The following INPP4B variants were observed in gnomAD, a reference collection of about 807,000 sequenced individuals.
INPP4B encodes the protein inositol polyphosphate-4-phosphatase type II B.
A neutral mutation model predicts 122.5 loss-of-function variants in INPP4B; 55 were observed. That is an observed-to-expected ratio of 0.45 (90% CI 0.36 to 0.56). INPP4B has a LOEUF of 0.56. INPP4B is among the 20% of genes least tolerant of loss of function. The pLI, the probability that INPP4B is intolerant of heterozygous loss-of-function variation, is 0.00. For missense variants in INPP4B, 1,000 were observed against 1,097.7 expected, an observed-to-expected ratio of 0.91 and a Z score of 1.26; for synonymous variants, 403 against 388.7, an observed-to-expected ratio of 1.04 and a Z score of -0.43.
At chr4:142,736,477 G>A (rs184189448) in intron 1 of INPP4B, among the ~76,000 whole-genome samples, 30 of 151,946 alleles carry the variant, frequency 2.0e-4, no homozygotes, top group East Asian at 1.7e-3. Context: ...ATTTTGTTGT[G>A]CAGTGGTTTG....
At chr4:142,297,890 T>C (rs538640592) in intron 9 of INPP4B, among the ~76,000 whole-genome samples, 2 of 152,324 alleles carry the variant, frequency 1.3e-5, no homozygotes, top group South Asian at 4.1e-4. Context: ...ATATTTATAG[T>C]TTTTCTCTAA....
chr4:142,243,897 T>TTTATTA (rs5862580), intron 11 of INPP4B, among the ~76,000 whole-genome samples: 342 of 148,916 alleles, frequency 2.3e-3, no homozygotes, highest in Middle Eastern at 0.01. Context: ...TAGAACAAAC[T>TTTATTA]TTATTATTAT....
chr4:142,642,207 T>C (rs1214911424), intron 2 of INPP4B, among the ~76,000 whole-genome samples: 3 of 152,080 alleles, frequency 2.0e-5, no homozygotes, highest in Non-Finnish European at 2.9e-5. Context: ...TTTTCTCCCA[T>C]TCTGTAGGTT....
At chr4:142,741,724 T>C (rs1346570820) in intron 1 of INPP4B, among the ~76,000 whole-genome samples, 2 of 151,702 alleles carry the variant, frequency 1.3e-5, no homozygotes, top group Non-Finnish European at 2.9e-5. Flanking sequence ...AATCATTACA[T>C]AAAACAAAGA....
chr4:142,655,146 AAAC>A lies in INPP4B; in HGVS notation c.-191+70690_-191+70692del, dbSNP rs201120349. ...GTTTCAGTAGTTAACATTCTTCAAA[AAAC>A]AACAATAGAAAACCTTCCTAGATAT... is the stretch of plus-strand genomic sequence containing the variant. On this transcript the variant is annotated intron_variant, in intron 2 of 25. Coordinates refer to ENST00000262992, the MANE Select transcript of INPP4B (RefSeq NM_001101669.3). Among the ~76,000 whole-genome samples, 1,151 of 152,276 alleles carry A rather than the reference AAAC, an allele frequency of 7.6e-3. 9 individuals are homozygous for A. Among genetic ancestry groups the A allele is most frequent in the Non-Finnish European group, 0.011 (780 of 68,016 alleles).
At position 142,077,910 on chromosome 4, in the gene INPP4B, T is replaced by C. The variant is rs1771689225; in HGVS notation, c.2642+4121A>G. 2.0e-5 allele frequency among the ~76,000 whole-genome samples: 3 copies of C among 151,770 alleles called. No individual in the cohort carries two copies. The South Asian group carries it at 6.3e-4, about 32-fold the overall frequency. ...ACTTTAGTCAAGTGGTTCTCAATCA[T>C]GGTTCCCCCCTAGAAACTAGTATGT... On this transcript the variant is annotated intron_variant, in intron 25 of 25. Coordinates refer to ENST00000262992, the MANE Select transcript of INPP4B (RefSeq NM_001101669.3).
intron 14 of INPP4B, among the ~76,000 whole-genome samples, chr4:142,195,433 T>G (rs375868678): frequency 2.4e-4 from 36 of 152,288 alleles, no homozygotes; most frequent in African/African-American, 8.2e-4. Flanking sequence ...TCATGTTAAG[T>G]GTTCTTAAAA....
chr4:142,224,881 A>G (rs974727113), intron 12 of INPP4B, among the ~76,000 whole-genome samples: 3 of 152,152 alleles, frequency 2.0e-5, no homozygotes, highest in Non-Finnish European at 2.9e-5. Context: ...TATTCTCTCA[A>G]AGAACTGGCC....
intron 22 of INPP4B, among the ~76,000 whole-genome samples, chr4:142,112,300 C>T (rs1790604683): frequency 6.6e-6 from 1 of 152,118 alleles, no homozygotes; most frequent in African/African-American, 2.4e-5. Flanking sequence ...CATGCAAATG[C>T]TTTATTTAGT....
intron 1 of INPP4B, among the ~76,000 whole-genome samples, chr4:142,797,820 T>C (rs1460789458): frequency 6.6e-6 from 1 of 151,966 alleles, no homozygotes; most frequent in African/African-American, 2.4e-5. Flanking sequence ...AATAAATATG[T>C]TTTCAGATAT....
chr4:142,537,410 A>ATATATATATATATG (rs1828340226), intron 2 of INPP4B, among the ~76,000 whole-genome samples: 1 of 40,546 alleles, frequency 2.5e-5, no homozygotes, highest in Non-Finnish European at 5.4e-5. Flanking sequence ...GTATATATAT[A>ATATATATATATATG]TATATATATA....
intron 2 of INPP4B, among the ~76,000 whole-genome samples, chr4:142,534,735 A>G (rs1296761905): frequency 6.6e-6 from 1 of 151,290 alleles, no homozygotes; most frequent in Non-Finnish European, 1.5e-5. Flanking sequence ...AAGTTTGGAG[A>G]GTGTCATCAG....
At chr4:142,765,154 G>A (rs1771924600) in intron 1 of INPP4B, among the ~76,000 whole-genome samples, 1 of 152,102 alleles carries the variant, frequency 6.6e-6, no homozygotes, top group African/African-American at 2.4e-5. Context: ...ACAAAGCTTG[G>A]TAATCTGACA....
intron 2 of INPP4B, among the ~76,000 whole-genome samples, chr4:142,619,372 A>G (rs1193802284): frequency 1.3e-5 from 2 of 152,052 alleles, no homozygotes; most frequent in Admixed American, 6.6e-5. Context: ...CAAAGAAAAT[A>G]TGGTATATAC....
intron 2 of INPP4B, among the ~76,000 whole-genome samples, chr4:142,681,937 G>C (rs1466132680): frequency 6.6e-6 from 1 of 151,746 alleles, no homozygotes; most frequent in Non-Finnish European, 1.5e-5. Flanking sequence ...AATTCATGCA[G>C]AAACAACTCA....
chr4:142,108,700 T>C (rs1470625220), intron 22 of INPP4B, among the ~76,000 whole-genome samples: 3 of 152,270 alleles, frequency 2.0e-5, no homozygotes, highest in African/African-American at 7.2e-5. Flanking sequence ...CAGTAGATCA[T>C]TTCTGCCGAC....
chr4:142,307,641 G>T (rs895643978), intron 8 of INPP4B, among the ~76,000 whole-genome samples: 5 of 152,190 alleles, frequency 3.3e-5, no homozygotes, highest in African/African-American at 1.2e-4. Flanking sequence ...ATAGTATGCA[G>T]ATCGTATACT....
intron 9 of INPP4B, among the ~76,000 whole-genome samples, chr4:142,285,023 G>A (rs1313459208): frequency 1.3e-5 from 2 of 152,076 alleles, no homozygotes; most frequent in Non-Finnish European, 2.9e-5. Flanking sequence ...AAAAGTGGAT[G>A]TGGGGGAGGG....
At chr4:142,628,287 C>T (rs970206949) in intron 2 of INPP4B, among the ~76,000 whole-genome samples, 1 of 147,126 alleles carries the variant, frequency 6.8e-6, no homozygotes, top group African/African-American at 2.5e-5. Context: ...TGGAAATCAT[C>T]ATTCTCAGTA....
Sources: gnomAD v4.1 joint callset for allele counts (sites outside exome capture counted in the v4.1 genomes callset) on GRCh38, gnomAD v4.1.1 for gene constraint, MANE v1.5 for transcripts, NCBI Gene and HGNC (gene_info 2026-07-23, HGNC 2026-07-21) for gene names.